ANO3: variants seen among roughly 807,000 people sequenced by gnomAD.
ANO3 encodes the protein anoctamin 3, also known as anoctamin-3.
Under a neutral mutation model 144.8 loss-of-function variants are expected in ANO3, and 99 were observed. That is an observed-to-expected ratio of 0.68 (90% CI 0.58 to 0.81). ANO3 has a LOEUF of 0.81. ANO3 is among the 30% of genes least tolerant of loss of function. The pLI is 0.00. For missense variants in ANO3, 905 were observed against 1,202.2 expected (o/e 0.75, Z 3.66); for synonymous variants, 414 against 392.6 (o/e 1.05, Z -0.64).
chr11:26,647,870 T>C lies in ANO3; in HGVS notation c.2576+14T>C. 6.3e-7 allele frequency: 1 copy of C among 1,599,922 alleles called. No individual in the cohort carries two copies. Among genetic ancestry groups the C allele is most frequent in the African/African-American group, 1.3e-5 (1 of 74,712 alleles). On this transcript the variant is annotated intron_variant, in intron 24 of 26. Coordinates refer to ENST00000256737, the MANE Select transcript of ANO3 (RefSeq NM_031418.4). ...ACCAAGTGAAAAGTAAGGTTTAAATTTAAACATTTTCCTGATATGTTTTAC... is the reference window on the plus strand; with the variant it reads ...ACCAAGTGAAAAGTAAGGTTTAAATCTAAACATTTTCCTGATATGTTTTAC...
intron 24 of ANO3, among the ~76,000 whole-genome samples, chr11:26,648,083 T>C (rs1853407317): frequency 6.6e-6 from 1 of 152,140 alleles, no homozygotes; most frequent in Admixed American, 6.6e-5. Flanking sequence ...GCATCACAAG[T>C]ATCAAAATAT....
chr11:26,243,113 T>C (rs1852696982), intron 1 of ANO3, among the ~76,000 whole-genome samples: 1 of 152,132 alleles, frequency 6.6e-6, no homozygotes, highest in Non-Finnish European at 1.5e-5. Context: ...AGGGACCATA[T>C]TTTGAAGAAT....
chr11:26,215,089 A>C (rs1852010191), intron 1 of ANO3, among the ~76,000 whole-genome samples: 1 of 151,888 alleles, frequency 6.6e-6, no homozygotes, highest in Non-Finnish European at 1.5e-5. Context: ...ATTAATCTTA[A>C]CCACCTGAAT....
rs4032918 is a variant in ANO3 at position 26,443,953 on chromosome 11, G to A, written c.313+117G>A. On this transcript the variant is annotated intron_variant, in intron 3 of 26. Transcript: ENST00000256737. The stretch of plus-strand genomic sequence containing the variant: ...AAAAAGTTCATGTTTGGTTTTTAAC[G>A]TAATAGGTGAGTATAATATTCTGAG... 434,563 of 586,338 alleles carry A rather than the reference G, an allele frequency of 0.74. 164,902 individuals are homozygous for A. Among genetic ancestry groups the A allele is most frequent in the Admixed American group, 0.83 (23,845 of 28,858 alleles). 36.3% of individuals were successfully genotyped at this position (586,338 alleles called of 1,614,324 possible).
At chr11:26,271,976 T>C (rs1454729235) in intron 1 of ANO3, among the ~76,000 whole-genome samples, 1 of 152,172 alleles carries the variant, frequency 6.6e-6, no homozygotes, top group Non-Finnish European at 1.5e-5. Context: ...GGTATTTATA[T>C]CTTTTAATCC....
At chr11:26,504,008 T>A (rs1448452247) in intron 4 of ANO3, among the ~76,000 whole-genome samples, 1 of 152,212 alleles carries the variant, frequency 6.6e-6, no homozygotes, top group East Asian at 1.9e-4. Context: ...GAGACTCAGT[T>A]GATTCCGTTT....
At chr11:26,216,270 C>G (rs980476947) in intron 1 of ANO3, among the ~76,000 whole-genome samples, 2 of 151,928 alleles carry the variant, frequency 1.3e-5, no homozygotes, top group Non-Finnish European at 2.9e-5. Context: ...ATATCATAAG[C>G]AATAATTTCA....
chr11:26,315,568 C>A (rs937024184), intron 1 of ANO3, among the ~76,000 whole-genome samples: 3 of 151,384 alleles, frequency 2.0e-5, no homozygotes, highest in African/African-American at 7.3e-5. Context: ...TCTACTTGAT[C>A]GTTGACAAGT....
chr11:26,316,546 T>C (rs899147514), intron 1 of ANO3, among the ~76,000 whole-genome samples: 1 of 152,190 alleles, frequency 6.6e-6, no homozygotes, highest in South Asian at 2.1e-4. Context: ...CAGCAAAAGC[T>C]GGTTGCAAAC....
At chr11:26,449,007 C>G (rs563490863) in intron 3 of ANO3, among the ~76,000 whole-genome samples, 186 of 152,292 alleles carry the variant, frequency 1.2e-3, no homozygotes, top group African/African-American at 4.3e-3. Context: ...CCCATCATTT[C>G]TGTGCTCCTG....
chr11:26,436,704 C>G (rs1336243528), intron 1 of ANO3, among the ~76,000 whole-genome samples: 1 of 152,048 alleles, frequency 6.6e-6, no homozygotes, highest in African/African-American at 2.4e-5. Flanking sequence ...GGGGTCCACT[C>G]CAGCCTCTTG....
In ANO3 at chr11:26,660,363, A is replaced by G. The variant is rs548536871; in HGVS notation, c.2865A>G (p.Glu955=). The part of the protein sequence containing the change: ...RIRREKYLVQ[E]MMYEAELEHL... ...GACGAGAGAAGTACTTAGTTCAAGAAATGATGTATGAGGCTGAACTGGAAC... is the reference window on the plus strand; with the variant it reads ...GACGAGAGAAGTACTTAGTTCAAGAGATGATGTATGAGGCTGAACTGGAAC... The change falls in exon 27 of 27, where the codon GAA becomes GAG. Residue 955 remains glutamate, a synonymous_variant. Transcript: ENST00000256737. 1 of 1,613,440 alleles carries G rather than the reference A, an allele frequency of 6.2e-7. No homozygotes were observed. The highest frequency in any genetic ancestry group is 1.3e-5 in the African/African-American group (1 of 75,008).
chr11:26,397,500 T>C (rs150990442), intron 1 of ANO3, among the ~76,000 whole-genome samples: 151 of 152,262 alleles, frequency 9.9e-4, no homozygotes, highest in African/African-American at 3.1e-3. Flanking sequence ...TGAAGTTCTC[T>C]ATATAAAAAG....
At chr11:26,539,420 G>C (rs1849590894) in intron 10 of ANO3, among the ~76,000 whole-genome samples, 1 of 152,064 alleles carries the variant, frequency 6.6e-6, no homozygotes, top group Non-Finnish European at 1.5e-5. Context: ...TGAGATTATA[G>C]AGCAGAGTTA....
chr11:26,510,149 A>AAG (rs1554963597), intron 5 of ANO3, among the ~76,000 whole-genome samples: 6 of 145,546 alleles, frequency 4.1e-5, no homozygotes, highest in Admixed American at 1.4e-4. Context: ...AAAAAAAAAA[A>AAG]AAAAGAGTAG....
intron 1 of ANO3, among the ~76,000 whole-genome samples, chr11:26,440,240 G>A (rs1183534725): frequency 6.6e-6 from 1 of 152,016 alleles, no homozygotes; most frequent in East Asian, 1.9e-4. Context: ...CATTGATAAG[G>A]TATTTCTTTA....
chr11:26,523,989 A>G (rs1849092914), intron 6 of ANO3, among the ~76,000 whole-genome samples: 2 of 152,158 alleles, frequency 1.3e-5, no homozygotes, highest in Admixed American at 1.3e-4. Context: ...CCATATTTGT[A>G]GCTTTTTTGA....
chr11:26,227,287 TTGTC>T (rs2133798455), intron 1 of ANO3, among the ~76,000 whole-genome samples: 1 of 152,346 alleles, frequency 6.6e-6, no homozygotes, highest in African/African-American at 2.4e-5. Flanking sequence ...ATTTATACTG[TTGTC>T]TCATGCATTT....
chr11:26,634,084 A>AC (rs1852872260), intron 18 of ANO3, 120 bp from the exon 19 acceptor site: 1 of 484,508 alleles, frequency 2.1e-6, no homozygotes, highest in Non-Finnish European at 3.5e-6. Flanking sequence ...CATTTCCAAA[A>AC]AAAAAAAAAA....
Sources: allele counts gnomAD v4.1 joint callset (sites outside exome capture counted in the v4.1 genomes callset), GRCh38; gene constraint gnomAD v4.1.1; transcripts MANE v1.5; gene names NCBI Gene and HGNC (gene_info 2026-07-23, HGNC 2026-07-21).